CACNA2D3: variants seen among roughly 807,000 people sequenced by gnomAD.
CACNA2D3 encodes voltage-dependent calcium channel subunit alpha-2/delta-3.
Under a neutral mutation model 160.6 loss-of-function variants are expected in CACNA2D3, and 60 were observed. That is an observed-to-expected ratio of 0.37 (90% CI 0.30 to 0.46). The LOEUF (loss-of-function observed/expected upper bound fraction) is 0.46. CACNA2D3 is among the 20% of genes least tolerant of loss of function. The pLI is 1.00. For synonymous variants in CACNA2D3, 558 were observed against 492.9 expected (o/e 1.13, Z -1.75); for missense variants, 1,205 against 1,365.0 (o/e 0.88, Z 1.85).
chr3:54,809,458 A>C (rs1487520626), intron 13 of CACNA2D3, among the ~76,000 whole-genome samples: 1 of 143,572 alleles, frequency 7.0e-6, no homozygotes, highest in Non-Finnish European at 1.5e-5. Flanking sequence ...AGCTGGGACT[A>C]CAGGCGCCCG....
chr3:54,741,601 T>TA (rs59474469), intron 11 of CACNA2D3, among the ~76,000 whole-genome samples: 2,272 of 148,202 alleles, frequency 0.015, 49 homozygotes, highest in African/African-American at 0.052. Context: ...ATAAGAAAAA[T>TA]AAAAAAAAAA....
intron 13 of CACNA2D3, among the ~76,000 whole-genome samples, chr3:54,799,799 C>G (rs1418737040): frequency 6.6e-6 from 1 of 152,172 alleles, no homozygotes; most frequent in Non-Finnish European, 1.5e-5. Flanking sequence ...CTGCCTCACA[C>G]AGCAAGTCCC....
chr3:54,827,725 G>A (rs1212405929), intron 14 of CACNA2D3, among the ~76,000 whole-genome samples: 1 of 152,208 alleles, frequency 6.6e-6, no homozygotes, highest in Non-Finnish European at 1.5e-5. Context: ...TAGCCCCAGA[G>A]TCTTGCCTGA....
intron 13 of CACNA2D3, among the ~76,000 whole-genome samples, chr3:54,782,209 A>G (rs935137628): frequency 2.6e-5 from 4 of 152,208 alleles, no homozygotes; most frequent in Admixed American, 6.5e-5. Context: ...CATTTTTGAT[A>G]TATAGACTAA....
chr3:54,203,487 G>T (rs1701213066), intron 2 of CACNA2D3, among the ~76,000 whole-genome samples: 1 of 152,216 alleles, frequency 6.6e-6, no homozygotes. Flanking sequence ...TTGTTGCAAG[G>T]ACAAAGGGCT....
At chr3:54,554,252 T>G (rs1200353382) in intron 5 of CACNA2D3, among the ~76,000 whole-genome samples, 1 of 152,178 alleles carries the variant, frequency 6.6e-6, no homozygotes, top group Non-Finnish European at 1.5e-5. Flanking sequence ...TTATCCCAGT[T>G]TATTTTCATT....
intron 16 of CACNA2D3, among the ~76,000 whole-genome samples, chr3:54,841,041 C>T (rs1346569771): frequency 6.6e-6 from 1 of 152,102 alleles, no homozygotes. Flanking sequence ...ATGATTTTAA[C>T]CTCTGTAACC....
chr3:54,954,298 G>T (rs942339987), intron 27 of CACNA2D3, among the ~76,000 whole-genome samples: 1 of 152,200 alleles, frequency 6.6e-6, no homozygotes, highest in African/African-American at 2.4e-5. Flanking sequence ...GCGGGAGCAC[G>T]AACACTTCCC....
intron 26 of CACNA2D3, among the ~76,000 whole-genome samples, chr3:54,897,749 C>G (rs1486362053): frequency 1.3e-5 from 2 of 152,180 alleles, no homozygotes; most frequent in Non-Finnish European, 2.9e-5. Flanking sequence ...AGGCTTGGTG[C>G]TTTGTCATTT....
intron 2 of CACNA2D3, among the ~76,000 whole-genome samples, chr3:54,305,763 A>G (rs1310288914): frequency 6.6e-6 from 1 of 152,236 alleles, no homozygotes; most frequent in African/African-American, 2.4e-5. Context: ...TAGATGAGAA[A>G]AAAATGACAT....
chr3:54,169,738 C>T (rs1053747080), intron 2 of CACNA2D3, among the ~76,000 whole-genome samples: 8 of 150,752 alleles, frequency 5.3e-5, no homozygotes, highest in Admixed American at 2.0e-4. Context: ...TGCGTGTGTG[C>T]GAGTGTGCAT....
chr3:54,164,279 C>T (rs1222461122), intron 2 of CACNA2D3, among the ~76,000 whole-genome samples: 1 of 152,172 alleles, frequency 6.6e-6, no homozygotes, highest in African/African-American at 2.4e-5. Flanking sequence ...TCCAGGAGTT[C>T]TGAGTCTCTA....
At chr3:54,339,384 A>T (rs1001755926) in intron 3 of CACNA2D3, among the ~76,000 whole-genome samples, 1 of 152,058 alleles carries the variant, frequency 6.6e-6, no homozygotes, top group African/African-American at 2.4e-5. Context: ...ACCCTACCCC[A>T]AATACCCCCT....
intron 17 of CACNA2D3, among the ~76,000 whole-genome samples, chr3:54,866,925 A>T (rs1477277043): frequency 6.6e-6 from 1 of 152,210 alleles, no homozygotes; most frequent in Non-Finnish European, 1.5e-5. Context: ...GAAGTATTTC[A>T]TAGCACAGAA....
In CACNA2D3 at chr3:54,232,753, G is replaced by T. The variant is rs186527077; in HGVS notation, c.205-87689G>T. Among the ~76,000 whole-genome samples the T allele has an allele frequency of 7.2e-5, 11 of 152,214 alleles. No individual in the cohort carries two copies. The East Asian group carries it at 1.9e-3, about 27-fold the overall frequency. ...AGATCACATGAACATTTTGATTTAT[G>T]GTGGCACAGGAGGCTATAACAAAGT... On this transcript the variant is annotated intron_variant, in intron 2 of 37. Coordinates refer to ENST00000474759, the MANE Select transcript of CACNA2D3 (RefSeq NM_018398.3).
chr3:54,829,849 C>T lies in CACNA2D3; in HGVS notation c.1399-7310C>T, dbSNP rs531551812. 1.6e-4 allele frequency among the ~76,000 whole-genome samples: 23 copies of T among 140,558 alleles called. No homozygotes were observed. The South Asian group carries it at 5.6e-3, about 34-fold the overall frequency. The allele number at this position is 140,558 out of a possible 152,430, so 92.2% of individuals were successfully genotyped here. ...CTTTGCTAAGCTCCCCTGTCACATT[C>T]TCAGATTCTGCATATCTTTTCTTCT... On this transcript the variant is annotated intron_variant, in intron 14 of 37. Coordinates refer to ENST00000474759, the MANE Select transcript of CACNA2D3 (RefSeq NM_018398.3).
chr3:54,968,321 G>A (rs1702197878), intron 27 of CACNA2D3, 129 bp from the exon 28 acceptor site: 1 of 645,198 alleles, frequency 1.5e-6, no homozygotes, highest in African/African-American at 1.8e-5. Flanking sequence ...TTAGTTGTAT[G>A]CTTCACTGTA....
At chr3:54,298,626 T>G (rs1016684669) in intron 2 of CACNA2D3, among the ~76,000 whole-genome samples, 1 of 152,034 alleles carries the variant, frequency 6.6e-6, no homozygotes, top group Non-Finnish European at 1.5e-5. Flanking sequence ...TGGCAAAACC[T>G]TGTCTCTATA....
chr3:54,989,040 T>G (rs1485383236), intron 31 of CACNA2D3, among the ~76,000 whole-genome samples: 4 of 152,214 alleles, frequency 2.6e-5, no homozygotes, highest in African/African-American at 9.6e-5. Context: ...TTCCACCACT[T>G]CTTCAAGCTT....
Sources: gnomAD v4.1 joint callset for allele counts (sites outside exome capture counted in the v4.1 genomes callset) on GRCh38, gnomAD v4.1.1 for gene constraint, MANE v1.5 for transcripts, NCBI Gene and HGNC (gene_info 2026-07-23, HGNC 2026-07-21) for gene names.